Variants in STX8 observed in about 807,000 individuals in gnomAD.
The protein encoded by STX8 is syntaxin 8.
A neutral mutation model predicts 37.5 loss-of-function variants in STX8; 23 were observed. The observed-to-expected ratio is 0.61, with a 90% CI of 0.44 to 0.87. STX8 has a LOEUF of 0.87. Ranked by LOEUF, STX8 falls within the 40% of genes least tolerant of loss-of-function variation. STX8 has a pLI of 0.00. For synonymous variants in STX8, 115 were observed against 99.1 expected (o/e 1.16, Z -0.95); for missense variants, 313 against 284.7 (o/e 1.10, Z -0.71).
At chr17:9,320,323 A>T (rs983995482) in intron 7 of STX8, among the ~76,000 whole-genome samples, 1 of 147,174 alleles carries the variant, frequency 6.8e-6, no homozygotes, top group African/African-American at 2.6e-5. Context: ...ACAGAGCAAG[A>T]CTCCATCTCA....
chr17:9,292,551 T>C (rs1332603252), intron 7 of STX8, among the ~76,000 whole-genome samples: 1 of 152,264 alleles, frequency 6.6e-6, no homozygotes, highest in Non-Finnish European at 1.5e-5. Flanking sequence ...GCACTCATAT[T>C]TCTCCAGCTA....
At chr17:9,355,659 T>A (rs1023470190) in intron 7 of STX8, among the ~76,000 whole-genome samples, 2 of 151,612 alleles carry the variant, frequency 1.3e-5, no homozygotes, top group Non-Finnish European at 2.9e-5. Flanking sequence ...ACAGGCGCGC[T>A]CCACCACTCC....
intron 7 of STX8, among the ~76,000 whole-genome samples, chr17:9,373,174 T>A (rs1052553970): frequency 3.5e-5 from 5 of 144,306 alleles, no homozygotes; most frequent in African/African-American, 1.0e-4. Context: ...TACCTAAGAG[T>A]TTAGAGGCTG....
At chr17:9,326,191 C>A (rs1296960335) in intron 7 of STX8, among the ~76,000 whole-genome samples, 1 of 151,910 alleles carries the variant, frequency 6.6e-6, no homozygotes, top group Non-Finnish European at 1.5e-5. Flanking sequence ...AGTGCAGTGG[C>A]ACGATCATGG....
At chr17:9,370,658 A>G (rs779409215) in intron 7 of STX8, among the ~76,000 whole-genome samples, 5 of 152,208 alleles carry the variant, frequency 3.3e-5, no homozygotes, top group Admixed American at 6.6e-5. Flanking sequence ...AACATTACGT[A>G]ATAGTCAATA....
At chr17:9,433,468 T>C (rs766561208) in intron 6 of STX8, among the ~76,000 whole-genome samples, 62 of 152,320 alleles carry the variant, frequency 4.1e-4, no homozygotes, top group Admixed American at 2.3e-3. Context: ...ATGAAAAGCA[T>C]CCATTCATTC....
chr17:9,271,595 CA>C (rs1413854029), intron 7 of STX8, among the ~76,000 whole-genome samples: 1 of 151,936 alleles, frequency 6.6e-6, no homozygotes, highest in Admixed American at 6.6e-5. Context: ...ACTAAAAATA[CA>C]AAAATTAGAT....
chr17:9,473,019 C>T (rs1462757642), intron 6 of STX8, among the ~76,000 whole-genome samples: 3 of 151,676 alleles, frequency 2.0e-5, no homozygotes, highest in Admixed American at 6.6e-5. Context: ...GGACAAACAC[C>T]ATGCATGTGT....
At chr17:9,330,709 C>T (rs1188675042) in intron 7 of STX8, among the ~76,000 whole-genome samples, 1 of 152,218 alleles carries the variant, frequency 6.6e-6, no homozygotes, top group African/African-American at 2.4e-5. Context: ...TCGCTCCTGC[C>T]TCCAGTTTGG....
intron 7 of STX8, among the ~76,000 whole-genome samples, chr17:9,351,562 A>G (rs952029818): frequency 2.0e-5 from 3 of 152,196 alleles, no homozygotes; most frequent in Admixed American, 1.3e-4. Flanking sequence ...ATACAACATT[A>G]TCTAATGCAC....
chr17:9,357,676 C>G (rs1396481096), intron 7 of STX8, among the ~76,000 whole-genome samples: 1 of 151,786 alleles, frequency 6.6e-6, no homozygotes, highest in African/African-American at 2.4e-5. Context: ...AGCTGGACAA[C>G]AGAGTGAGAC....
At chr17:9,389,995 G>A (rs899673473) in intron 6 of STX8, among the ~76,000 whole-genome samples, 2 of 152,140 alleles carry the variant, frequency 1.3e-5, no homozygotes, top group Admixed American at 6.5e-5. Flanking sequence ...CTTTGCCTAT[G>A]GCATCCTATG....
intron 6 of STX8, among the ~76,000 whole-genome samples, chr17:9,402,182 C>T (rs190242485): frequency 1.1e-3 from 171 of 152,200 alleles, no homozygotes; most frequent in African/African-American, 3.7e-3. Context: ...TGCAATGGCA[C>T]GATCTCGGCT....
intron 4 of STX8, among the ~76,000 whole-genome samples, chr17:9,515,730 C>T (rs1334548887): frequency 6.6e-6 from 1 of 152,084 alleles, no homozygotes; most frequent in Non-Finnish European, 1.5e-5. Flanking sequence ...CGCTATGTTG[C>T]CCAAGTTAGT....
intron 7 of STX8, among the ~76,000 whole-genome samples, chr17:9,286,660 T>C (rs902603529): frequency 2.1e-4 from 24 of 112,646 alleles, no homozygotes; most frequent in African/African-American, 7.2e-4. Flanking sequence ...AATAAAGAAA[T>C]AATTGCTTCA....
intron 4 of STX8, among the ~76,000 whole-genome samples, chr17:9,527,649 T>G (rs1842499704): frequency 2.0e-5 from 3 of 152,062 alleles, no homozygotes; most frequent in Admixed American, 6.5e-5. Flanking sequence ...ATACCAGTAG[T>G]TAAGGGCTGC....
chr17:9,288,132 CAAACAAACAAAAA>C (rs1908152863), intron 7 of STX8, among the ~76,000 whole-genome samples: 1 of 15,412 alleles, frequency 6.5e-5, no homozygotes, highest in Non-Finnish European at 1.3e-4. Context: ...AACAAACAAA[CAAACAAACAAAAA>C]AAAAAAAAAC....
In STX8 at chr17:9,384,196, A is replaced by AT. The variant is rs1179034482; in HGVS notation, c.542-5544dup. On this transcript the variant is annotated intron_variant, in intron 6 of 7. Transcript: ENST00000306357. ...CACGGTATTTTAAAGATACTGGTTC[A>AT]TTTTTTTTTCAATTGACAGATATCG... Among the ~76,000 whole-genome samples, 15 of 146,584 alleles carry AT rather than the reference A, an allele frequency of 1.0e-4. No individual in the cohort carries two copies. In the East Asian group the frequency reaches 1.8e-3, roughly 18 times the overall value.
intron 7 of STX8, among the ~76,000 whole-genome samples, chr17:9,264,906 G>A (rs1907178277): frequency 6.6e-6 from 1 of 151,880 alleles, no homozygotes; most frequent in Non-Finnish European, 1.5e-5. Flanking sequence ...TTGGGCCCAG[G>A]AGTTTGAGAC....
Sources: allele counts gnomAD v4.1 joint callset (sites outside exome capture counted in the v4.1 genomes callset), GRCh38; gene constraint gnomAD v4.1.1; transcripts MANE v1.5; gene names NCBI Gene and HGNC (gene_info 2026-07-23, HGNC 2026-07-21).